GFRA1: variants seen among roughly 807,000 people sequenced by gnomAD.
The protein encoded by GFRA1 is GDNF family receptor alpha-1.
GFRA1 carries 16 observed loss-of-function variants against 51.6 expected under a neutral mutation model. The observed-to-expected ratio is 0.31, with a 90% confidence interval of 0.21 to 0.47. The LOEUF (loss-of-function observed/expected upper bound fraction) is 0.47, where lower values mean the gene tolerates loss of function less well. Among genes scored for constraint, GFRA1 ranks in the 20% least tolerant of loss-of-function variants. GFRA1 has a pLI of 1.00. For synonymous variants in GFRA1, 270 were observed against 241.3 expected (o/e 1.12, Z -1.10); for missense variants, 530 against 594.3 (o/e 0.89, Z 1.13).
intron 9 of GFRA1, among the ~76,000 whole-genome samples, chr10:116,085,283 T>A (rs1956048436): frequency 6.6e-6 from 1 of 152,252 alleles, no homozygotes; most frequent in African/African-American, 2.4e-5. Context: ...GGGGGAAATC[T>A]ATCTCAAATG....
rs986704874 is a variant in GFRA1, at chr10:116,272,227, G to T, written c.-198C>A. On this transcript the variant is annotated 5_prime_UTR_variant, in exon 2 of 11. Coordinates refer to ENST00000355422, the MANE Select transcript of GFRA1 (RefSeq NM_005264.8). This position sits in a 1 kb window ranked among gnomAD's most constrained non-coding sequence, Gnocchi z 4.4. Reference sequence around the variant, plus strand: ...CCGCCGGCGACTCAGCTCCGGGATGGCGAGGGCGGGAGGCGGTTCCGCTTT... The same window carrying T: ...CCGCCGGCGACTCAGCTCCGGGATGTCGAGGGCGGGAGGCGGTTCCGCTTT... The T allele has an allele frequency of 8.0e-6, 5 of 624,136 alleles. No individual in the cohort carries two copies. The African/African-American group carries it at 9.2e-5, about 11-fold the overall frequency. The allele number at this position is 624,136 out of a possible 1,614,324, so 38.7% of individuals were successfully genotyped here. A position where few individuals can be genotyped will look rare whatever the true frequency, so the allele number is the denominator to read the frequency against.
intron 4 of GFRA1, among the ~76,000 whole-genome samples, chr10:116,261,656 A>G (rs1969311527): frequency 6.6e-6 from 1 of 152,264 alleles, no homozygotes; most frequent in African/African-American, 2.4e-5. Flanking sequence ...GGTTATGAAC[A>G]TGAAAGACAT....
rs1958440370 is a variant in GFRA1 at position 116,138,721 on chromosome 10, AC to A, written c.434-13165del. On this transcript the variant is annotated intron_variant, in intron 5 of 10. Transcript: ENST00000355422. ...CTCATGAGCTTGAGACAAAGGAAGA[AC>A]AAAAGAACTGACGGCTCAGCTGCAT... Among the ~76,000 whole-genome samples the A allele has an allele frequency of 2.0e-5, 3 of 151,324 alleles. No individual in the cohort carries two copies. The South Asian group carries it at 6.3e-4, about 32-fold the overall frequency.
At position 116,061,847 on chromosome 10, in the gene GFRA1, C is replaced by T. The variant is rs1191356056; in HGVS notation, c.*2551G>A. On this transcript the variant is annotated 3_prime_UTR_variant, in exon 11 of 11. Transcript: ENST00000355422. ...GGCAAATGATGGTGTTTTAGGGTCA[C>T]CGTGTCAAACTAAGATCACACTGAA... 1 of 396,850 alleles carries T rather than the reference C, an allele frequency of 2.5e-6. No homozygotes were observed. The highest frequency in any genetic ancestry group is 2.1e-5 in the African/African-American group (1 of 48,592). 24.6% of individuals were successfully genotyped at this position (396,850 alleles called of 1,614,324 possible).
At chr10:116,128,990 T>C (rs1957992499) in intron 5 of GFRA1, among the ~76,000 whole-genome samples, 1 of 152,146 alleles carries the variant, frequency 6.6e-6, no homozygotes, top group African/African-American at 2.4e-5. Flanking sequence ...TTTTCATCTA[T>C]ATATAACTCT....
rs145892569 is a variant in GFRA1 at position 116,224,688 on chromosome 10, G to A, written c.419-13043C>T. 1.4e-3 allele frequency among the ~76,000 whole-genome samples: 214 copies of A among 152,270 alleles called. 1 individual carries two copies. The highest frequency in any genetic ancestry group is 2.5e-3 in the Non-Finnish European group (167 of 68,028). On this transcript the variant is annotated intron_variant, in intron 4 of 10. Coordinates refer to ENST00000355422, the MANE Select transcript of GFRA1 (RefSeq NM_005264.8). Reference sequence around the variant, plus strand: ...AGTAATGGTTGCCTAGAGGTGAAGGGGATGAGGGGGTGACAGCTAAGGATG... The same window carrying A: ...AGTAATGGTTGCCTAGAGGTGAAGGAGATGAGGGGGTGACAGCTAAGGATG...
intron 5 of GFRA1, among the ~76,000 whole-genome samples, chr10:116,149,489 A>C (rs34755001): frequency 0.15 from 22,698 of 152,216 alleles, 2,046 homozygotes; most frequent in East Asian, 0.2. Flanking sequence ...AAAACTGCTC[A>C]CTACACACTG....
chr10:116,180,032 T>A (rs1352504424), intron 5 of GFRA1, among the ~76,000 whole-genome samples: 3 of 152,186 alleles, frequency 2.0e-5, no homozygotes, highest in African/African-American at 7.2e-5. Flanking sequence ...TCTCCGGCAA[T>A]CCGCAATTTG....
intron 5 of GFRA1, among the ~76,000 whole-genome samples, chr10:116,190,534 G>T (rs1963156710): frequency 6.6e-6 from 1 of 152,286 alleles, no homozygotes; most frequent in African/African-American, 2.4e-5. Flanking sequence ...GAAGCCTGAA[G>T]AATGCTGCCA....
chr10:116,182,680 C>G (rs926585908), intron 5 of GFRA1, among the ~76,000 whole-genome samples: 2 of 152,212 alleles, frequency 1.3e-5, no homozygotes, highest in Admixed American at 1.3e-4. Context: ...TCTAGAAGCG[C>G]TAGAAATCCA....
rs998949140 is a variant in GFRA1 at position 116,062,245 on chromosome 10, C to A, written c.*2153G>T. ...CTATGAAATTAGTCCAGTGTAGATA[C>A]ACAGAGATACCTTAATGAAAACAAA... On this transcript the variant is annotated 3_prime_UTR_variant, in exon 11 of 11. Transcript: ENST00000355422. 102 of 397,444 alleles carry A rather than the reference C, an allele frequency of 2.6e-4. No individual in the cohort carries two copies. In the East Asian group the frequency reaches 3.6e-3, roughly 14 times the overall value. 24.6% of individuals were successfully genotyped at this position (397,444 alleles called of 1,614,324 possible).
intron 2 of GFRA1, among the ~76,000 whole-genome samples, chr10:116,271,735 T>G (rs1355465193): frequency 6.6e-6 from 1 of 152,168 alleles, no homozygotes; most frequent in Non-Finnish European, 1.5e-5. Context: ...GGAGGGCTTC[T>G]TAGTCCCCCG....
chr10:116,267,385 G>C (rs1020336804), intron 4 of GFRA1, among the ~76,000 whole-genome samples: 1 of 151,996 alleles, frequency 6.6e-6, no homozygotes, highest in Non-Finnish European at 1.5e-5. Flanking sequence ...AGAATCACTT[G>C]AACACGGGAG....
intron 5 of GFRA1, among the ~76,000 whole-genome samples, chr10:116,185,229 T>C (rs1039090561): frequency 3.3e-5 from 5 of 151,868 alleles, no homozygotes; most frequent in Non-Finnish European, 7.4e-5. Flanking sequence ...CTTTGTGATA[T>C]TGGATGCCTT....
In GFRA1 at chr10:116,151,729, C is replaced by A. The variant is rs1283715456; in HGVS notation, c.434-26172G>T. On this transcript the variant is annotated intron_variant, in intron 5 of 10. Coordinates refer to ENST00000355422, the MANE Select transcript of GFRA1 (RefSeq NM_005264.8). The stretch of plus-strand genomic sequence containing the variant: ...ACCACACAGTGAAGACCTGGCAGAC[C>A]ATTGGCCTTAAGGATAGCCAATGGC... Among the ~76,000 whole-genome samples, 6 of 152,236 alleles carry A rather than the reference C, an allele frequency of 3.9e-5. No individual in the cohort carries two copies. The South Asian group carries it at 1.0e-3, about 26-fold the overall frequency.
chr10:116,184,104 A>G (rs1043846761), intron 5 of GFRA1, among the ~76,000 whole-genome samples: 2 of 152,214 alleles, frequency 1.3e-5, no homozygotes, highest in Non-Finnish European at 2.9e-5. Context: ...TAAGAAAGTC[A>G]TTTGTTTTTG....
intron 9 of GFRA1, among the ~76,000 whole-genome samples, chr10:116,079,293 A>C: frequency 6.6e-6 from 1 of 152,150 alleles, no homozygotes; most frequent in East Asian, 1.9e-4. Context: ...CCCAGTCTAC[A>C]GTATTTTGTT....
chr10:116,223,212 A>G (rs956200222), intron 4 of GFRA1, among the ~76,000 whole-genome samples: 2 of 152,220 alleles, frequency 1.3e-5, no homozygotes, highest in Non-Finnish European at 2.9e-5. Flanking sequence ...CAGGAAAAAA[A>G]TGTGAGAGAA....
At chr10:116,093,992 C>A (rs529380982) in intron 7 of GFRA1, among the ~76,000 whole-genome samples, 156 bp from the exon 8 acceptor site, 1 of 152,130 alleles carries the variant, frequency 6.6e-6, no homozygotes, top group Non-Finnish European at 1.5e-5. Context: ...TGCATTTTCT[C>A]GGCAATTTAT....
Sources: gnomAD v4.1 joint callset for allele counts (sites outside exome capture counted in the v4.1 genomes callset) on GRCh38, gnomAD v4.1.1 for gene constraint, Gnocchi (gnomAD v3.1) non-coding constraint, MANE v1.5 for transcripts, NCBI Gene and HGNC (gene_info 2026-07-23, HGNC 2026-07-21) for gene names.